The following ROBO2 variants were observed in gnomAD, a reference collection of about 807,000 sequenced individuals.
ROBO2 encodes roundabout homolog 2.
Under a neutral mutation model 160.8 loss-of-function variants are expected in ROBO2, and 53 were observed. The ratio of observed to expected loss-of-function variants is 0.33; its 90% CI spans 0.26 to 0.41. The LOEUF (loss-of-function observed/expected upper bound fraction) is 0.41. ROBO2 is among the 10% of genes least tolerant of loss of function. The pLI is 1.00. For synonymous variants in ROBO2, 664 were observed against 611.7 expected, an observed-to-expected ratio of 1.09 and a Z score of -1.26; for missense variants, 1,577 against 1,722.4, an observed-to-expected ratio of 0.92 and a Z score of 1.49.
chr3:76,668,758 AT>A (rs1259126220), intron 2 of ROBO2, among the ~76,000 whole-genome samples: 2 of 150,300 alleles, frequency 1.3e-5, no homozygotes, highest in South Asian at 2.1e-4. Flanking sequence ...AAAAAAAAAA[AT>A]TCAGTTAGCA....
intron 2 of ROBO2, among the ~76,000 whole-genome samples, chr3:76,235,419 T>C (rs1390460724): frequency 6.6e-6 from 1 of 152,174 alleles, no homozygotes; most frequent in East Asian, 1.9e-4. Context: ...CCACCTTCCC[T>C]AAAGCCTTTG....
chr3:77,595,252 G>C, intron 18 of ROBO2, 68 bp downstream of exon 19: 1 of 1,182,362 alleles, frequency 8.5e-7, no homozygotes, highest in South Asian at 1.3e-5. Context: ...TCTATAGTAA[G>C]AGCCTATTAT....
At chr3:76,643,976 A>C (rs1251320985) in intron 2 of ROBO2, among the ~76,000 whole-genome samples, 1 of 152,232 alleles carries the variant, frequency 6.6e-6, no homozygotes, top group Non-Finnish European at 1.5e-5. Context: ...GTCCTACCAC[A>C]ATATTATTTA....
chr3:76,210,285 A>G (rs1403546528), intron 2 of ROBO2, among the ~76,000 whole-genome samples: 1 of 152,104 alleles, frequency 6.6e-6, no homozygotes, highest in East Asian at 1.9e-4. Context: ...CAAATGTGCT[A>G]CTTTGTTAGT....
intron 1 of ROBO2, among the ~76,000 whole-genome samples, chr3:75,930,202 C>G (rs752727662): frequency 2.0e-5 from 3 of 152,070 alleles, no homozygotes; most frequent in Admixed American, 1.3e-4. Flanking sequence ...GGGTATGTGC[C>G]ACCAGGATCT....
chr3:76,619,637 T>A (rs1316580873), intron 2 of ROBO2, among the ~76,000 whole-genome samples: 3 of 152,150 alleles, frequency 2.0e-5, no homozygotes, highest in East Asian at 1.9e-4. Flanking sequence ...AGAGAGAGAC[T>A]CAGTGAAGGA....
intron 2 of ROBO2, among the ~76,000 whole-genome samples, chr3:77,287,197 C>G (rs1455365620): frequency 6.6e-6 from 1 of 152,214 alleles, no homozygotes; most frequent in African/African-American, 2.4e-5. Flanking sequence ...AACACATTCA[C>G]TCATACATAC....
intron 2 of ROBO2, among the ~76,000 whole-genome samples, chr3:76,978,348 T>G (rs943104655): frequency 6.6e-6 from 1 of 152,166 alleles, no homozygotes; most frequent in African/African-American, 2.4e-5. Context: ...TTATTTAAAA[T>G]AAAGCACTTT....
At chr3:76,916,087 T>G (rs1263898738) in intron 2 of ROBO2, among the ~76,000 whole-genome samples, 1 of 152,260 alleles carries the variant, frequency 6.6e-6, no homozygotes, top group African/African-American at 2.4e-5. Context: ...TTTCAATATA[T>G]GAATTTGGGG....
chr3:77,379,137 G>A (rs1221643426), intron 2 of ROBO2, among the ~76,000 whole-genome samples: 2 of 151,860 alleles, frequency 1.3e-5, no homozygotes, highest in African/African-American at 4.8e-5. Flanking sequence ...TAGTAGAGAC[G>A]GGTTTTCACC....
At chr3:76,582,746 A>T (rs1172115084) in intron 2 of ROBO2, among the ~76,000 whole-genome samples, 2 of 152,148 alleles carry the variant, frequency 1.3e-5, no homozygotes, top group Admixed American at 1.3e-4. Flanking sequence ...AGTCACATTT[A>T]AGGCAGTAGC....
intron 2 of ROBO2, among the ~76,000 whole-genome samples, chr3:76,560,819 C>T (rs1263471632): frequency 2.0e-5 from 3 of 149,868 alleles, no homozygotes; most frequent in Non-Finnish European, 3.0e-5. Context: ...ATGCACCAAA[C>T]CAACTGATTT....
chr3:76,414,645 T>C (rs545980258), intron 2 of ROBO2, among the ~76,000 whole-genome samples: 52 of 143,118 alleles, frequency 3.6e-4, no homozygotes, highest in African/African-American at 9.8e-4. Context: ...AGGGATAGCA[T>C]TGGGAGATAT....
chr3:77,234,501 G>C (rs1473695954), intron 2 of ROBO2, among the ~76,000 whole-genome samples: 2 of 152,002 alleles, frequency 1.3e-5, no homozygotes, highest in Non-Finnish European at 2.9e-5. Flanking sequence ...GAATCGCACA[G>C]ACAATCTGCT....
chr3:76,882,028 G>T (rs894746591), intron 2 of ROBO2, among the ~76,000 whole-genome samples: 34 of 151,060 alleles, frequency 2.3e-4, no homozygotes, highest in Admixed American at 2.1e-3. Context: ...GTGTGTGTGT[G>T]TATGTGGGTG....
intron 2 of ROBO2, among the ~76,000 whole-genome samples, chr3:77,280,409 A>G (rs944149817): frequency 3.3e-5 from 5 of 152,158 alleles, no homozygotes; most frequent in African/African-American, 1.2e-4. Flanking sequence ...AGATAGAGAA[A>G]TTATGTCTTG....
rs377297954 is a variant in ROBO2, at chr3:77,554,699, T to G, written c.1232-3245T>G. Among the ~76,000 whole-genome samples the G allele has an allele frequency of 3.3e-5, 5 of 152,094 alleles. No homozygotes were observed. In the South Asian group the frequency reaches 8.3e-4, roughly 25 times the overall value. ...GAATTAGAAGTGGATCCCGAAGATG[T>G]GACTAAATGGCTACAGTCACATGAT... is the stretch of plus-strand genomic sequence containing the variant. On this transcript the variant is annotated intron_variant, in intron 8 of 25. Transcript: ENST00000461745.
At chr3:76,665,431 A>C (rs565563585) in intron 2 of ROBO2, among the ~76,000 whole-genome samples, 2 of 152,136 alleles carry the variant, frequency 1.3e-5, no homozygotes, top group East Asian at 3.9e-4. Flanking sequence ...CAAATGTTGC[A>C]CCCACAGCTT....
chr3:76,599,374 T>G (rs2086953287), intron 2 of ROBO2, among the ~76,000 whole-genome samples: 1 of 152,224 alleles, frequency 6.6e-6, no homozygotes, highest in African/African-American at 2.4e-5. Flanking sequence ...GGCCTCTAGC[T>G]CCATTCATGT....
Sources: allele counts gnomAD v4.1 joint callset (sites outside exome capture counted in the v4.1 genomes callset), GRCh38; gene constraint gnomAD v4.1.1; transcripts MANE v1.5; gene names NCBI Gene and HGNC (gene_info 2026-07-23, HGNC 2026-07-21).